Variants in MAST4 observed in about 807,000 individuals in gnomAD.
MAST4 encodes microtubule-associated serine/threonine-protein kinase 4.
MAST4 carries 89 observed loss-of-function variants against 162.7 expected under a neutral mutation model. That is an observed-to-expected ratio of 0.55 (90% CI 0.46 to 0.65). The LOEUF (loss-of-function observed/expected upper bound fraction) is 0.65, where lower values mean the gene tolerates loss of function less well. Ranked by LOEUF, MAST4 falls within the 30% of genes least tolerant of loss-of-function variation. The pLI is 0.00. For synonymous variants in MAST4, 1,479 were observed against 1,361.1 expected, an observed-to-expected ratio of 1.09 and a Z score of -1.91; for missense variants, 3,153 against 3,374.0, an observed-to-expected ratio of 0.93 and a Z score of 1.62.
At chr5:66,720,167 G>C (rs1751104865) in intron 1 of MAST4, among the ~76,000 whole-genome samples, 1 of 79,148 alleles carries the variant, frequency 1.3e-5, no homozygotes, top group South Asian at 5.3e-4. Context: ...TTTTTATCAG[G>C]AATGATAATT....
chr5:66,926,083 C>T (rs1034167036), intron 4 of MAST4, among the ~76,000 whole-genome samples: 8 of 151,856 alleles, frequency 5.3e-5, no homozygotes, highest in East Asian at 1.9e-4. Context: ...GGAGAGGTTT[C>T]GGCATAGGTG....
At chr5:66,847,643 AAAC>A (rs1022867136) in intron 3 of MAST4, among the ~76,000 whole-genome samples, 1 of 151,754 alleles carries the variant, frequency 6.6e-6, no homozygotes, top group East Asian at 1.9e-4. Context: ...TCAAAAAATA[AAAC>A]AACAACAACA....
At chr5:66,823,063 G>A (rs1189796419) in intron 3 of MAST4, among the ~76,000 whole-genome samples, 2 of 152,158 alleles carry the variant, frequency 1.3e-5, no homozygotes, top group Non-Finnish European at 2.9e-5. Flanking sequence ...TAGTGAGTGA[G>A]TTCTCATGAG....
At chr5:66,940,086 T>TATATATATGTA (rs1212293574) in intron 4 of MAST4, among the ~76,000 whole-genome samples, 2 of 152,070 alleles carry the variant, frequency 1.3e-5, no homozygotes, top group Non-Finnish European at 2.9e-5. Flanking sequence ...TATGTATGTG[T>TATATATATGTA]ATATATATGT....
chr5:67,086,377 CAATTT>C (rs1321695591), intron 5 of MAST4, among the ~76,000 whole-genome samples: 2 of 152,296 alleles, frequency 1.3e-5, no homozygotes, highest in South Asian at 2.1e-4. Flanking sequence ...AGCAATCAAA[CAATTT>C]AATTAATCTG....
At chr5:66,939,736 G>T (rs1398766772) in intron 4 of MAST4, among the ~76,000 whole-genome samples, 1 of 151,264 alleles carries the variant, frequency 6.6e-6, no homozygotes, top group African/African-American at 2.4e-5. Context: ...CAGAGATATT[G>T]CTGGGTTTTT....
intron 2 of MAST4, among the ~76,000 whole-genome samples, chr5:66,766,114 C>T (rs142462389): frequency 1.3e-5 from 2 of 152,164 alleles, no homozygotes; most frequent in Admixed American, 1.3e-4. Context: ...AGTGAGGAAG[C>T]TGCAGAATGA....
At chr5:66,617,115 G>A (rs1743744772) in intron 1 of MAST4, among the ~76,000 whole-genome samples, 1 of 152,172 alleles carries the variant, frequency 6.6e-6, no homozygotes, top group Admixed American at 6.5e-5. Context: ...TTAAAATGGA[G>A]TATGAGGCAC....
chr5:66,604,150 A>G (rs560902735), intron 1 of MAST4, among the ~76,000 whole-genome samples: 49 of 152,146 alleles, frequency 3.2e-4, no homozygotes, highest in Non-Finnish European at 1.8e-4. Context: ...ACAGACACAT[A>G]CTCTGAAGTC....
At chr5:66,705,799 A>G (rs1750091691) in intron 1 of MAST4, among the ~76,000 whole-genome samples, 1 of 152,218 alleles carries the variant, frequency 6.6e-6, no homozygotes. Context: ...ACCCTTTTGC[A>G]TATCATATGA....
intron 2 of MAST4, among the ~76,000 whole-genome samples, chr5:66,773,049 C>A (rs1432277317): frequency 1.3e-5 from 2 of 152,292 alleles, no homozygotes. Context: ...CCAGGCCATT[C>A]ATCTCTTGCT....
intron 21 of MAST4, among the ~76,000 whole-genome samples, chr5:67,143,181 G>C (rs1278523840): frequency 6.6e-6 from 1 of 151,720 alleles, no homozygotes; most frequent in Admixed American, 6.6e-5. Flanking sequence ...AGCACTTAGA[G>C]AGGCAGAGGC....
At chr5:66,874,310 G>A (rs976964554) in intron 3 of MAST4, among the ~76,000 whole-genome samples, 2 of 152,152 alleles carry the variant, frequency 1.3e-5, no homozygotes, top group Non-Finnish European at 2.9e-5. Context: ...AAAGGCCTCT[G>A]TTAAATAAAA....
intron 4 of MAST4, among the ~76,000 whole-genome samples, chr5:66,901,820 A>ATTAT (rs200812232): frequency 0.016 from 2,400 of 152,264 alleles, 58 homozygotes; most frequent in African/African-American, 0.055. Context: ...TGCCTCATAT[A>ATTAT]GCTGTGCTAG....
chr5:66,610,640 C>T (rs1006073812), intron 1 of MAST4, among the ~76,000 whole-genome samples: 1 of 152,194 alleles, frequency 6.6e-6, no homozygotes, highest in Non-Finnish European at 1.5e-5. Flanking sequence ...TCTGTCTTCG[C>T]TATAGTGTTG....
chr5:67,042,660 C>T (rs1468881293), intron 4 of MAST4, among the ~76,000 whole-genome samples: 2 of 152,116 alleles, frequency 1.3e-5, no homozygotes, highest in Non-Finnish European at 1.5e-5. Flanking sequence ...TTTTAATATC[C>T]GTTTGGCAGT....
chr5:66,892,300 A>G (rs1488800000), intron 3 of MAST4, among the ~76,000 whole-genome samples: 1 of 152,146 alleles, frequency 6.6e-6, no homozygotes, highest in Non-Finnish European at 1.5e-5. Context: ...CCTCAGAGAA[A>G]CTGATCACCC....
At chr5:66,717,679 A>T (rs184628428) in intron 1 of MAST4, among the ~76,000 whole-genome samples, 1 of 152,352 alleles carries the variant, frequency 6.6e-6, no homozygotes, top group East Asian at 1.9e-4. Context: ...ATAGATCTCC[A>T]TGTTAGGAAA....
At chr5:66,765,713 G>C (rs1374141610) in intron 2 of MAST4, among the ~76,000 whole-genome samples, 1 of 151,980 alleles carries the variant, frequency 6.6e-6, no homozygotes, top group African/African-American at 2.4e-5. Flanking sequence ...AGAAAATACA[G>C]AACAGTATAA....
Sources: allele counts gnomAD v4.1 joint callset (sites outside exome capture counted in the v4.1 genomes callset), GRCh38; gene constraint gnomAD v4.1.1; transcripts MANE v1.5; gene names NCBI Gene and HGNC (gene_info 2026-07-23, HGNC 2026-07-21).